Variants in PLD5 observed in about 807,000 individuals in gnomAD.
The protein encoded by PLD5 is phospholipase D family member 5.
In PLD5, 36 loss-of-function variants were observed where a neutral mutation model predicts 61.1. The ratio of observed to expected loss-of-function variants is 0.59; its 90% CI spans 0.45 to 0.78. PLD5 has a LOEUF of 0.78. Ranked by LOEUF, PLD5 falls within the 30% of genes least tolerant of loss-of-function variation. The pLI is 0.00. For synonymous variants in PLD5, 243 were observed against 242.8 expected, an observed-to-expected ratio of 1.00 and a Z score of -0.01; for missense variants, 515 against 644.4, an observed-to-expected ratio of 0.80 and a Z score of 2.17.
intron 4 of PLD5, among the ~76,000 whole-genome samples, chr1:242,231,668 G>A (rs530632083): frequency 2.6e-5 from 4 of 152,246 alleles, no homozygotes; most frequent in East Asian, 1.9e-4. Flanking sequence ...AAGATGTTTC[G>A]AGAGAATAAT....
chr1:242,425,004 C>T (rs150535334), intron 1 of PLD5, among the ~76,000 whole-genome samples: 1,690 of 152,164 alleles, frequency 0.011, 20 homozygotes, highest in Admixed American at 0.017. Flanking sequence ...TGGTTGTGCA[C>T]GCCTGCAATC....
chr1:242,405,694 A>G (rs2012630), intron 1 of PLD5, among the ~76,000 whole-genome samples: 66,226 of 151,326 alleles, frequency 0.44, 15,855 homozygotes, highest in African/African-American at 0.64. Context: ...CTCTGCCTAT[A>G]AGGTTCAAGC....
chr1:242,193,684 T>C (rs1034661260), intron 5 of PLD5, among the ~76,000 whole-genome samples: 3 of 152,210 alleles, frequency 2.0e-5, no homozygotes, highest in Non-Finnish European at 2.9e-5. Context: ...TCATTCTCCA[T>C]AGACTGGAGC....
chr1:242,102,804 CTG>C (rs1435939134), intron 8 of PLD5, among the ~76,000 whole-genome samples: 1 of 152,014 alleles, frequency 6.6e-6, no homozygotes, highest in Non-Finnish European at 1.5e-5. Flanking sequence ...TGTATGGCCT[CTG>C]TTTTATAAAA....
intron 4 of PLD5, among the ~76,000 whole-genome samples, chr1:242,242,012 GAC>G (rs377737578): frequency 0.077 from 8,121 of 105,786 alleles, 362 homozygotes; most frequent in African/African-American, 0.094. Context: ...TATATATATA[GAC>G]ACACACACAC....
Position 242,265,460 on chromosome 1 carries a change from A to C in PLD5, c.496-12T>G. 4 of 1,592,042 alleles carry C rather than the reference A, an allele frequency of 2.5e-6. No individual in the cohort carries two copies. The highest frequency in any genetic ancestry group is 3.4e-6 in the Non-Finnish European group (4 of 1,168,304). On this transcript the variant is annotated splice_polypyrimidine_tract_variant and intron_variant, in intron 3 of 9. Coordinates refer to ENST00000536534, the MANE Select transcript of PLD5 (RefSeq NM_001372062.1). ...AAAAGACGTTGACCCTGGAAAAAATATTCAGAGACAAAGAAAGTCAGAAAA... is the reference window on the plus strand; with the variant it reads ...AAAAGACGTTGACCCTGGAAAAAATCTTCAGAGACAAAGAAAGTCAGAAAA...
chr1:242,340,000 A>T (rs1659741505), intron 2 of PLD5, among the ~76,000 whole-genome samples: 1 of 152,192 alleles, frequency 6.6e-6, no homozygotes, highest in Admixed American at 6.5e-5. Context: ...GAGCTTAGAA[A>T]ATTCCAGAAG....
intron 1 of PLD5, among the ~76,000 whole-genome samples, chr1:242,513,576 C>G (rs947812026): frequency 1.3e-5 from 2 of 152,186 alleles, no homozygotes; most frequent in African/African-American, 2.4e-5. Flanking sequence ...ACAACCAGAT[C>G]ATAAGTAACC....
chr1:242,494,616 T>C (rs1387768615), intron 1 of PLD5, among the ~76,000 whole-genome samples: 1 of 152,172 alleles, frequency 6.6e-6, no homozygotes, highest in Non-Finnish European at 1.5e-5. Context: ...GGTTGCTTGC[T>C]GGATACTACC....
intron 5 of PLD5, among the ~76,000 whole-genome samples, chr1:242,165,665 T>C (rs1188955621): frequency 6.6e-6 from 1 of 152,206 alleles, no homozygotes; most frequent in Non-Finnish European, 1.5e-5. Flanking sequence ...TGCCTTGGCA[T>C]CCATTTTAAA....
At chr1:242,138,489 C>A (rs1273158255) in intron 5 of PLD5, among the ~76,000 whole-genome samples, 4 of 151,836 alleles carry the variant, frequency 2.6e-5, no homozygotes, top group African/African-American at 9.7e-5. Context: ...CCTCGAAGAA[C>A]ACTGGAAGAA....
chr1:242,514,997 T>C (rs1001036377), intron 1 of PLD5, among the ~76,000 whole-genome samples: 1 of 152,198 alleles, frequency 6.6e-6, no homozygotes, highest in African/African-American at 2.4e-5. Context: ...TATTTATTTT[T>C]TGTAAACTAT....
At chr1:242,251,045 T>C (rs1672671704) in intron 4 of PLD5, among the ~76,000 whole-genome samples, 1 of 152,192 alleles carries the variant, frequency 6.6e-6, no homozygotes, top group African/African-American at 2.4e-5. Flanking sequence ...AGATAAAACT[T>C]AATGGAAGAA....
intron 1 of PLD5, among the ~76,000 whole-genome samples, chr1:242,507,937 C>T (rs1163460478): frequency 6.6e-6 from 1 of 151,604 alleles, no homozygotes; most frequent in Non-Finnish European, 1.5e-5. Context: ...TCTCTCTCCA[C>T]GGATGATATT....
intron 5 of PLD5, among the ~76,000 whole-genome samples, chr1:242,127,004 A>G (rs1323959904): frequency 6.6e-6 from 1 of 152,218 alleles, no homozygotes. Context: ...ACATGGGTAG[A>G]CAATTCTCAA....
chr1:242,377,405 G>C, intron 1 of PLD5: 1 of 1,138,332 alleles, frequency 8.8e-7, no homozygotes, highest in African/African-American at 1.5e-5. Flanking sequence ...ACTTCCGCTT[G>C]GGACTGGGGA....
At chr1:242,148,099 C>G (rs770195095) in intron 5 of PLD5, among the ~76,000 whole-genome samples, 1 of 151,884 alleles carries the variant, frequency 6.6e-6, no homozygotes, top group African/African-American at 2.4e-5. Flanking sequence ...TTGCCTAAGC[C>G]ATGATCACAA....
intron 1 of PLD5, among the ~76,000 whole-genome samples, chr1:242,424,366 T>A (rs945973269): frequency 5.3e-5 from 8 of 152,214 alleles, no homozygotes; most frequent in African/African-American, 1.7e-4. Flanking sequence ...CAATGACTTC[T>A]AAAACCTGAC....
At chr1:242,453,743 T>G (rs746067520) in intron 1 of PLD5, among the ~76,000 whole-genome samples, 2 of 152,134 alleles carry the variant, frequency 1.3e-5, no homozygotes, top group Non-Finnish European at 2.9e-5. Context: ...GGCTCCTACT[T>G]ATCCCATAGC....
Sources: gnomAD v4.1 joint callset for allele counts (sites outside exome capture counted in the v4.1 genomes callset) on GRCh38, gnomAD v4.1.1 for gene constraint, MANE v1.5 for transcripts, NCBI Gene and HGNC (gene_info 2026-07-23, HGNC 2026-07-21) for gene names.